The following ULK4 variants were observed in gnomAD, a reference collection of about 807,000 sequenced individuals.
ULK4 encodes inactive serine/threonine-protein kinase ULK4.
ULK4 carries 133 observed loss-of-function variants against 160.6 expected under a neutral mutation model. The observed-to-expected ratio is 0.83, with a 90% CI of 0.72 to 0.96. The LOEUF is 0.96. Among genes scored for constraint, ULK4 ranks in the 40% least tolerant of loss-of-function variants. The pLI, the probability that ULK4 is intolerant of heterozygous loss-of-function variation, is 0.00. For synonymous variants in ULK4, 534 were observed against 539.8 expected (o/e 0.99, Z 0.15); for missense variants, 1,580 against 1,499.5 (o/e 1.05, Z -0.89).
chr3:41,752,883 T>G (rs1197420173), intron 22 of ULK4, among the ~76,000 whole-genome samples: 2 of 152,054 alleles, frequency 1.3e-5, no homozygotes, highest in African/African-American at 4.8e-5. Context: ...AAAGAAAAAT[T>G]TCATTCAGTT....
At chr3:41,682,676 T>C (rs1471847524) in intron 27 of ULK4, among the ~76,000 whole-genome samples, 1 of 152,216 alleles carries the variant, frequency 6.6e-6, no homozygotes, top group Non-Finnish European at 1.5e-5. Context: ...TATATCTCAA[T>C]ATTTTTACAA....
chr3:41,494,379 G>A (rs367973796), intron 32 of ULK4, among the ~76,000 whole-genome samples: 13 of 133,304 alleles, frequency 9.8e-5, no homozygotes, highest in Non-Finnish European at 1.5e-4. Context: ...AAATTCAACA[G>A]CCCTTCACGC....
chr3:41,294,876 C>A (rs751149665), intron 35 of ULK4, among the ~76,000 whole-genome samples: 6 of 152,186 alleles, frequency 3.9e-5, no homozygotes, highest in Admixed American at 6.5e-5. Context: ...CAGCTCTTGT[C>A]AACTTGATCT....
rs75008165 is a variant in ULK4, at chr3:41,455,372, A to C, written c.3492+125T>G. On this transcript the variant is annotated intron_variant, in intron 34 of 36. Transcript: ENST00000301831. Reference sequence around the variant, plus strand: ...GTTTTCCAGGCCAAATAATCTTCTGAAAGTTCTTTTGGCTCTAGTTTTGAA... The same window carrying C: ...GTTTTCCAGGCCAAATAATCTTCTGCAAGTTCTTTTGGCTCTAGTTTTGAA... 2.2e-3 allele frequency: 1,867 copies of C among 833,056 alleles called. 45 individuals are homozygous for C. In the East Asian group the frequency reaches 0.048, roughly 21 times the overall value. 51.6% of individuals were successfully genotyped at this position (833,056 alleles called of 1,614,324 possible).
intron 14 of ULK4, 51 bp downstream of exon 14, chr3:41,898,381 G>A: frequency 9.2e-7 from 1 of 1,084,732 alleles, no homozygotes; most frequent in Non-Finnish European, 1.3e-6. Context: ...TTTCATATTT[G>A]TATCTGTATA....
At chr3:41,935,154 T>A (rs916420774) in intron 4 of ULK4, among the ~76,000 whole-genome samples, 1 of 150,438 alleles carries the variant, frequency 6.6e-6, no homozygotes, top group African/African-American at 2.5e-5. Flanking sequence ...GTAGATGGAA[T>A]TACAGGCGCT....
At chr3:41,473,724 G>GA (rs1011306506) in intron 32 of ULK4, among the ~76,000 whole-genome samples, 35 of 141,412 alleles carry the variant, frequency 2.5e-4, no homozygotes, top group East Asian at 6.2e-4. Context: ...CAAACTTTCT[G>GA]AAAAAAAAGT....
chr3:41,750,130 G>A (rs2125892140), intron 22 of ULK4, among the ~76,000 whole-genome samples: 1 of 152,254 alleles, frequency 6.6e-6, no homozygotes, highest in African/African-American at 2.4e-5. Context: ...GTGAGCAGAG[G>A]ATCCAGTTAT....
chr3:41,501,231 T>G (rs911141930), intron 32 of ULK4, among the ~76,000 whole-genome samples: 15 of 152,270 alleles, frequency 9.9e-5, no homozygotes, highest in African/African-American at 3.6e-4. Flanking sequence ...CGGTGGCTCA[T>G]GCCTGTAATC....
chr3:41,459,874 C>T (rs2083643104), intron 33 of ULK4, among the ~76,000 whole-genome samples: 1 of 152,016 alleles, frequency 6.6e-6, no homozygotes. Context: ...ACTGTATAAG[C>T]CTTTGAATGT....
At chr3:41,883,686 G>C (rs1389200226) in intron 17 of ULK4, among the ~76,000 whole-genome samples, 188 bp downstream of exon 17, 3 of 152,178 alleles carry the variant, frequency 2.0e-5, no homozygotes, top group Admixed American at 2.0e-4. Context: ...TTTTAATGAT[G>C]GACTACATTG....
rs527888480 is a variant in ULK4, at chr3:41,435,197, T to C, written c.3492+20300A>G. Among the ~76,000 whole-genome samples the C allele has an allele frequency of 2.6e-5, 4 of 152,346 alleles. No homozygotes were observed. The South Asian group carries it at 8.3e-4, about 32-fold the overall frequency. On this transcript the variant is annotated intron_variant, in intron 34 of 36. Coordinates refer to ENST00000301831, the MANE Select transcript of ULK4 (RefSeq NM_017886.4). ...TACTTCTCTGTAAAGTGGGTGGTTA[T>C]CTGCTGCATATGAAAGCACTCAGTC...
chr3:41,793,104 C>T (rs568327409), intron 20 of ULK4, among the ~76,000 whole-genome samples: 9 of 151,550 alleles, frequency 5.9e-5, no homozygotes, highest in Admixed American at 2.0e-4. Flanking sequence ...AACCAGAAGG[C>T]GGAGGTTGCA....
At chr3:41,300,837 T>TTACATATATATA (rs1553640530) in intron 35 of ULK4, among the ~76,000 whole-genome samples, 1 of 57,868 alleles carries the variant, frequency 1.7e-5, no homozygotes, top group African/African-American at 4.6e-5. Context: ...ATTTTACAGA[T>TTACATATATATA]TATATATATA....
At chr3:41,880,342 T>A (rs780916079) in intron 17 of ULK4, among the ~76,000 whole-genome samples, 1 of 152,286 alleles carries the variant, frequency 6.6e-6, no homozygotes, top group South Asian at 2.1e-4. Context: ...CAGATGTCAA[T>A]AAATGCTTCT....
At chr3:41,959,428 G>A (rs1472284542) in intron 1 of ULK4, among the ~76,000 whole-genome samples, 1 of 151,410 alleles carries the variant, frequency 6.6e-6, no homozygotes, top group Non-Finnish European at 1.5e-5. Flanking sequence ...TCCGGAGGCT[G>A]AAGCAAGAGA....
Position 41,248,004 on chromosome 3 carries a change from G to C in ULK4, c.3765-1012C>G, listed in dbSNP as rs150576576. Among the ~76,000 whole-genome samples the C allele has an allele frequency of 2.2e-3, 341 of 152,272 alleles. 4 individuals are homozygous for C. Among genetic ancestry groups the C allele is most frequent in the Middle Eastern group, 0.014 (4 of 294 alleles). ...GACGTTTTAGATGCTGGAGTACTGA[G>C]TGTGGGTGCAGGACAGACCACCAGC... On this transcript the variant is annotated intron_variant, in intron 36 of 36. Coordinates refer to ENST00000301831, the MANE Select transcript of ULK4 (RefSeq NM_017886.4).
chr3:41,473,572 G>T (rs1338395423), intron 32 of ULK4, among the ~76,000 whole-genome samples: 2 of 149,062 alleles, frequency 1.3e-5, no homozygotes, highest in Admixed American at 6.7e-5. Flanking sequence ...TGAGGTGGGA[G>T]CATCGCTTGA....
intron 31 of ULK4, among the ~76,000 whole-genome samples, chr3:41,614,951 A>T (rs1055205283): frequency 6.6e-6 from 1 of 152,172 alleles, no homozygotes; most frequent in African/African-American, 2.4e-5. Context: ...GAGGTAAAGT[A>T]CTTAGGAAAA....
Sources: gnomAD v4.1 joint callset for allele counts (sites outside exome capture counted in the v4.1 genomes callset) on GRCh38, gnomAD v4.1.1 for gene constraint, MANE v1.5 for transcripts, NCBI Gene and HGNC (gene_info 2026-07-23, HGNC 2026-07-21) for gene names.